KCNQ1: variants seen among roughly 807,000 people sequenced by gnomAD.
The protein encoded by KCNQ1 is potassium voltage-gated channel subfamily KQT member 1.
A neutral mutation model predicts 72.4 loss-of-function variants in KCNQ1; 49 were observed. The observed-to-expected ratio is 0.68, with a 90% confidence interval of 0.54 to 0.86. The LOEUF (loss-of-function observed/expected upper bound fraction) is 0.86, where lower values mean the gene tolerates loss of function less well. Among genes scored for constraint, KCNQ1 ranks in the 40% least tolerant of loss-of-function variants. KCNQ1 has a pLI of 0.00. For synonymous variants in KCNQ1, 450 were observed against 412.6 expected, an observed-to-expected ratio of 1.09 and a Z score of -1.10; for missense variants, 790 against 945.1, an observed-to-expected ratio of 0.84 and a Z score of 2.15.
intron 1 of KCNQ1, among the ~76,000 whole-genome samples, chr11:2,459,839 A>C (rs151109826): frequency 5.3e-5 from 8 of 152,134 alleles, no homozygotes; most frequent in Non-Finnish European, 1.2e-4. Flanking sequence ...CATGCAGCAC[A>C]GGTGGCCAAA....
At chr11:2,834,828 G>A (rs924226963) in intron 15 of KCNQ1, among the ~76,000 whole-genome samples, 3 of 152,236 alleles carry the variant, frequency 2.0e-5, no homozygotes, top group Non-Finnish European at 2.9e-5. Context: ...CAGGTTCCGG[G>A]GCAAGAATCC....
chr11:2,722,672 C>G (rs1048041369), intron 11 of KCNQ1, among the ~76,000 whole-genome samples: 32 of 152,068 alleles, frequency 2.1e-4, no homozygotes, highest in Non-Finnish European at 4.4e-5. Flanking sequence ...AGAGTGCTTC[C>G]CTTCTCACGT....
intron 11 of KCNQ1, among the ~76,000 whole-genome samples, chr11:2,755,189 C>G (rs1403406921): frequency 6.6e-6 from 1 of 151,704 alleles, no homozygotes; most frequent in Non-Finnish European, 1.5e-5. Flanking sequence ...CATTTTTTTT[C>G]GTAATCACAG....
At chr11:2,765,831 G>T (rs231872) in intron 11 of KCNQ1, among the ~76,000 whole-genome samples, 90,725 of 151,960 alleles carry the variant, frequency 0.6, 27,463 homozygotes, top group Admixed American at 0.67. Context: ...TTTTTGTATC[G>T]TTATATTTTA....
chr11:2,742,240 G>A (rs1265371069), intron 11 of KCNQ1, among the ~76,000 whole-genome samples: 3 of 152,236 alleles, frequency 2.0e-5, no homozygotes, highest in Non-Finnish European at 4.4e-5. Flanking sequence ...GACCCTGGGT[G>A]GTGCTGGCCA....
In KCNQ1 at chr11:2,724,845, A is replaced by C. The variant is rs1031693422; in HGVS notation, c.1515-43999A>C. The stretch of plus-strand genomic sequence containing the variant: ...GTATGGAGCTGGAACAAGGCACTGG[A>C]AGGTACCAGGCCTCAGCGTTCTCAA... On this transcript the variant is annotated intron_variant, in intron 11 of 15. Coordinates refer to ENST00000155840, the MANE Select transcript of KCNQ1 (RefSeq NM_000218.3). The surrounding 1 kb of genome is among the most constrained non-coding windows in gnomAD (Gnocchi z 6.8). 7.2e-5 allele frequency among the ~76,000 whole-genome samples: 11 copies of C among 152,174 alleles called. No homozygotes were observed. Among genetic ancestry groups the C allele is most frequent in the African/African-American group, 2.2e-4 (9 of 41,436 alleles).
At chr11:2,697,156 A>G in intron 11 of KCNQ1, 1 of 398,626 alleles carries the variant, frequency 2.5e-6, no homozygotes, top group Non-Finnish European at 4.4e-6. Context: ...CCAGTGGAAT[A>G]TGTGCTTGTA....
At chr11:2,819,424 C>T (rs1847687596) in intron 15 of KCNQ1, among the ~76,000 whole-genome samples, 1 of 152,188 alleles carries the variant, frequency 6.6e-6, no homozygotes, top group African/African-American at 2.4e-5. Flanking sequence ...GGTAGAAGTC[C>T]AGTTGAAAAC....
intron 11 of KCNQ1, among the ~76,000 whole-genome samples, chr11:2,753,555 T>A (rs1351803445): frequency 6.6e-6 from 1 of 152,234 alleles, no homozygotes; most frequent in Non-Finnish European, 1.5e-5. Flanking sequence ...CTGGGAGTGA[T>A]CTGGGACAGT....
At position 2,612,250 on chromosome 11, in the gene KCNQ1, A is replaced by G. The variant is rs1337109772; in HGVS notation, c.1393+23396A>G. ...GTGATGGCATTAGATTCTCACAGAG[A>G]GCAAATCCTATTGTGAACTGAGCAT... On this transcript the variant is annotated intron_variant, in intron 10 of 15. Coordinates refer to ENST00000155840, the MANE Select transcript of KCNQ1 (RefSeq NM_000218.3). This position sits in a 1 kb window ranked among gnomAD's most constrained non-coding sequence, Gnocchi z 5.5. 2.5e-6 allele frequency: 1 copy of G among 398,432 alleles called. No individual in the cohort carries two copies. The highest frequency in any genetic ancestry group is 2.1e-5 in the African/African-American group (1 of 48,588). 24.7% of individuals were successfully genotyped at this position (398,432 alleles called of 1,614,324 possible). A position where few individuals can be genotyped will look rare whatever the true frequency, so the allele number is the denominator to read the frequency against.
intron 10 of KCNQ1, chr11:2,648,593 T>C: frequency 2.5e-6 from 1 of 398,562 alleles, no homozygotes; most frequent in Admixed American, 4.4e-5. Flanking sequence ...GAAGTTCCTC[T>C]TGTTATTGAT....
chr11:2,608,548 T>C lies in KCNQ1; in HGVS notation c.1393+19694T>C, dbSNP rs974706542. The C allele has an allele frequency of 2.5e-6, 1 of 398,498 alleles. No homozygotes were observed. Among genetic ancestry groups the C allele is most frequent in the Non-Finnish European group, 4.4e-6 (1 of 226,072 alleles). The allele number at this position is 398,498 out of a possible 1,614,324, so 24.7% of individuals were successfully genotyped here. A position where few individuals can be genotyped will look rare whatever the true frequency, so the allele number is the denominator to read the frequency against. On this transcript the variant is annotated intron_variant, in intron 10 of 15. Transcript: ENST00000155840. The surrounding 1 kb of genome is among the most constrained non-coding windows in gnomAD (Gnocchi z 4.6). Reference sequence around the variant, plus strand: ...TGGAATAGAGTGGTGTAATCATAGCTCACTGTAACCTCGATCTCCTAGTCT... The same window carrying C: ...TGGAATAGAGTGGTGTAATCATAGCCCACTGTAACCTCGATCTCCTAGTCT...
At chr11:2,662,653 C>T (rs1849984080) in intron 11 of KCNQ1, 2 of 407,450 alleles carry the variant, frequency 4.9e-6, no homozygotes, top group East Asian at 7.0e-5. Flanking sequence ...TGTGATTCCC[C>T]TGCGACATGT....
intron 15 of KCNQ1, among the ~76,000 whole-genome samples, chr11:2,843,647 G>C (rs1347258210): frequency 5.3e-5 from 8 of 152,262 alleles, no homozygotes; most frequent in Admixed American, 5.2e-4. Context: ...CGGGGATCAA[G>C]GCCGGGCAGG....
chr11:2,660,608 G>A (rs889487907), intron 10 of KCNQ1: 2 of 398,592 alleles, frequency 5.0e-6, no homozygotes, highest in East Asian at 3.6e-5. Context: ...CCAAACAGAT[G>A]CCAAGCCCAT....
intron 15 of KCNQ1, among the ~76,000 whole-genome samples, chr11:2,806,486 G>A (rs960555290): frequency 2.6e-5 from 4 of 152,208 alleles, no homozygotes; most frequent in Non-Finnish European, 5.9e-5. Context: ...TAGGCGACCC[G>A]CCTTGGGCTG....
chr11:2,700,083 A>C, intron 11 of KCNQ1: 1 of 397,878 alleles, frequency 2.5e-6, no homozygotes, highest in Non-Finnish European at 4.4e-6. Flanking sequence ...GCAGCAGGGG[A>C]AGGCTTGCGG....
At chr11:2,697,804 T>C (rs1297518218) in intron 11 of KCNQ1, 1 of 398,532 alleles carries the variant, frequency 2.5e-6, no homozygotes, top group Non-Finnish European at 4.4e-6. Flanking sequence ...TCTACATTCA[T>C]AAGGGAAATT....
intron 15 of KCNQ1, among the ~76,000 whole-genome samples, chr11:2,822,168 G>A (rs1353849218): frequency 6.6e-6 from 1 of 152,204 alleles, no homozygotes; most frequent in Non-Finnish European, 1.5e-5. Flanking sequence ...ACCGGAGAAG[G>A]TGAGGAATGA....
Sources: allele counts gnomAD v4.1 joint callset (sites outside exome capture counted in the v4.1 genomes callset), GRCh38; gene constraint gnomAD v4.1.1; non-coding constraint Gnocchi (gnomAD v3.1); transcripts MANE v1.5; gene names NCBI Gene and HGNC (gene_info 2026-07-23, HGNC 2026-07-21).